The following ZNF75A variants were observed in gnomAD, a reference collection of about 807,000 sequenced individuals.
ZNF75A encodes zinc finger protein 75A.
ZNF75A carries 36 observed loss-of-function variants against 46.3 expected under a neutral mutation model. That is an observed-to-expected ratio of 0.78 (90% CI 0.60 to 1.03). ZNF75A has a LOEUF of 1.03. Among genes scored for constraint, ZNF75A ranks in the 50% least tolerant of loss-of-function variants. ZNF75A has a pLI of 0.00. For missense variants in ZNF75A, 595 were observed against 551.3 expected (o/e 1.08, Z -0.79); for synonymous variants, 234 against 189.9 (o/e 1.23, Z -1.91).
At chr16:3,306,182 C>T (rs951529607) in intron 1 of ZNF75A, 1 of 152,138 alleles carries the variant, frequency 6.6e-6, no homozygotes, top group African/African-American at 2.4e-5. Flanking sequence ...AAAAGTGAGG[C>T]TCACGGCTCT....
chr16:3,313,280 C>A, intron 5 of ZNF75A, 105 bp downstream of exon 5: 1 of 1,214,798 alleles, frequency 8.2e-7, no homozygotes, highest in Non-Finnish European at 1.2e-6. Flanking sequence ...CTGGTTGATT[C>A]TCATCTAGAT....
At position 3,310,653 on chromosome 16, in the gene ZNF75A, C is replaced by A. The variant is rs941465644; in HGVS notation, c.409-1100C>A. On this transcript the variant is annotated intron_variant, in intron 2 of 6. Transcript: ENST00000669516. ...AAACAAAACAAACAAACAAAAAAAA[C>A]AACTAGGGGAAGACTGCACAAGAAA... The A allele has an allele frequency of 1.1e-5, 11 of 984,848 alleles. No individual in the cohort carries two copies. The Admixed American group carries it at 4.9e-4, about 44-fold the overall frequency. 61.0% of individuals were successfully genotyped at this position (984,848 alleles called of 1,614,324 possible).
At chr16:3,310,094 T>C (rs558005412) in intron 2 of ZNF75A, among the ~76,000 whole-genome samples, 2 of 151,584 alleles carry the variant, frequency 1.3e-5, no homozygotes, top group Admixed American at 1.3e-4. Context: ...ACCTTGTCTC[T>C]TAAAAAAAAA....
Position 3,311,838 on chromosome 16 carries a change from C to A in ZNF75A, c.494C>A (p.Ser165Tyr), listed in dbSNP as rs1287862006. The change falls in exon 3 of 7, where the codon TCC becomes TAC. Residue 165 changes from serine to tyrosine, a missense_variant. Coordinates refer to ENST00000669516, the MANE Select transcript of ZNF75A (RefSeq NM_001302109.2). ...AGTTTCGGGCTGAAGCCAACAGAGTCCCAACCAGTGGGCGTATCCCAAGAT... is the reference window on the plus strand; with the variant it reads ...AGTTTCGGGCTGAAGCCAACAGAGTACCAACCAGTGGGCGTATCCCAAGAT... ...ASSFGLKPTE[S>Y]QPVGVSQDEE... The A allele has an allele frequency of 2.9e-6, 3 of 1,045,544 alleles. No homozygotes were observed. The highest frequency in any genetic ancestry group is 3.5e-6 in the Non-Finnish European group (3 of 860,932). 64.8% of individuals were successfully genotyped at this position (1,045,544 alleles called of 1,614,324 possible).
chr16:3,316,167 T>C (rs1423330897), intron 5 of ZNF75A: 1 of 152,238 alleles, frequency 6.6e-6, no homozygotes, highest in East Asian at 1.9e-4. Flanking sequence ...ATTTTGTTTA[T>C]TGATTGATTG....
downstream of ZNF75A, among the ~76,000 whole-genome samples, chr16:3,319,094 A>C (rs533346128): frequency 1.8e-4 from 27 of 152,250 alleles, no homozygotes; most frequent in Admixed American, 1.2e-3. Context: ...GGGGTTAAAT[A>C]ACTGACCTCT....
At chr16:3,314,027 C>G (rs74003367) in intron 5 of ZNF75A, among the ~76,000 whole-genome samples, 5,121 of 152,182 alleles carry the variant, frequency 0.034, 304 homozygotes, top group African/African-American at 0.12. Flanking sequence ...TTTTGCTCAA[C>G]TCAGAAAAAT....
At chr16:3,312,547 C>T (rs767074565) in intron 3 of ZNF75A, 130 bp from the exon 4 acceptor site, 42 of 173,986 alleles carry the variant, frequency 2.4e-4, no homozygotes, top group Non-Finnish European at 3.5e-4. Context: ...GAGACTGCTT[C>T]AGGCATCACA....
chr16:3,317,649 A>G lies in ZNF75A; in HGVS notation c.1394A>G (p.Lys465Arg), dbSNP rs1961325377. ...IKPYKCSWCG[K>R]SFSQNTNLHT... is the part of the protein sequence containing the mutation. ...CCATATAAATGTTCATGGTGTGGGA[A>G]AAGCTTCAGTCAAAATACAAATTTA... The change falls in exon 7 of 7, where the codon AAA (lysine) becomes AGA (arginine). Residue 465 changes from lysine (K) to arginine (R), a missense_variant. Physicochemically the swap from Lys to Arg is conservative, Grantham distance 26 (BLOSUM62 2). Transcript: ENST00000669516. 1 of 1,614,140 alleles carries G rather than the reference A, an allele frequency of 6.2e-7. No homozygotes were observed.
rs1025554030 is a variant in ZNF75A at position 3,308,535 on chromosome 16, C to T, written c.107C>T (p.Ser36Phe). 1.0e-6 allele frequency: 1 copy of T among 985,768 alleles called. No individual in the cohort carries two copies. Among genetic ancestry groups the T allele is most frequent in the African/African-American group, 1.7e-5 (1 of 57,242 alleles). The allele number at this position is 985,768 out of a possible 1,614,324, so 61.1% of individuals were successfully genotyped here. The part of the protein sequence containing the change: ...ARESSGQSKK[S>F]PQMDCLDPKS... ...GAGAGCTCCGGTCAGAGTAAAAAAT[C>T]TCCTCAAATGGACTGTCTCGATCCT... is the stretch of plus-strand genomic sequence containing the variant. Residue 36 changes from serine (S) to phenylalanine (F), a missense_variant, in exon 2 of 7, where the codon TCT becomes TTT. Transcript: ENST00000669516.
chr16:3,318,804 TGTA>T lies in ZNF75A; in HGVS notation c.*938_*940del. 1.0e-6 allele frequency: 1 copy of T among 985,392 alleles called. No individual in the cohort carries two copies. Among genetic ancestry groups the T allele is most frequent in the South Asian group, 4.7e-5 (1 of 21,286 alleles). The allele number at this position is 985,392 out of a possible 1,614,324, so 61.0% of individuals were successfully genotyped here. A position where few individuals can be genotyped will look rare whatever the true frequency, so the allele number is the denominator to read the frequency against. On this transcript the variant is annotated 3_prime_UTR_variant, in exon 7 of 7. Coordinates refer to ENST00000669516, the MANE Select transcript of ZNF75A (RefSeq NM_001302109.2). ...CTCATTTGGCATGGAGACCTGGACA[TGTA>T]GTCAGCAGGAGACGGTTCCCTAAAT...
downstream of ZNF75A, chr16:3,322,787 T>C: frequency 2.0e-6 from 1 of 489,954 alleles, no homozygotes; most frequent in Non-Finnish European, 2.7e-6. Context: ...ATTTCAAGTC[T>C]TTTTCAAAAC....
chr16:3,321,368 C>T (rs181442642), downstream of ZNF75A, among the ~76,000 whole-genome samples: 19 of 152,338 alleles, frequency 1.2e-4, no homozygotes, highest in East Asian at 1.9e-4. Context: ...GTATCATTGA[C>T]CCCGTCTAGT....
chr16:3,311,200 G>T (rs184174751), intron 2 of ZNF75A, among the ~76,000 whole-genome samples: 1 of 150,340 alleles, frequency 6.7e-6, no homozygotes, highest in East Asian at 1.9e-4. Context: ...CACTTTGGGA[G>T]GCTGAGGTGG....
At position 3,317,468 on chromosome 16, in the gene ZNF75A, C is replaced by G. The variant is rs1459724182; in HGVS notation, c.1213C>G (p.Gln405Glu). ...DCAREKPFKC[Q>E]ECGKTFRVSS... ...TGCAAGAGAGAAGCCTTTTAAATGT[C>G]AGGAATGTGGGAAAACCTTCAGAGT... is the stretch of plus-strand genomic sequence containing the variant. The change falls in exon 7 of 7, where the codon CAG (glutamine) becomes GAG (glutamate). Residue 405 changes from glutamine to glutamate, a missense_variant. Physicochemically the swap from Gln to Glu is conservative, Grantham distance 29 (BLOSUM62 2). Transcript: ENST00000669516. The G allele has an allele frequency of 3.1e-6, 5 of 1,614,038 alleles. No individual in the cohort carries two copies. The highest frequency in any genetic ancestry group is 1.1e-5 in the South Asian group (1 of 91,054).
rs1294645314 is a variant in ZNF75A at position 3,317,113 on chromosome 16, A to G, written c.935-77A>G. On this transcript the variant is annotated intron_variant, in intron 6 of 6. Coordinates refer to ENST00000669516, the MANE Select transcript of ZNF75A (RefSeq NM_001302109.2). ...TAAGATTTTGTTCCTTTTTTTTTTA[A>G]TCATTGAATTTTTCTTTTTATTCCT... is the stretch of plus-strand genomic sequence containing the variant. 31 of 1,533,582 alleles carry G rather than the reference A, an allele frequency of 2.0e-5. No homozygotes were observed. The East Asian group carries it at 7.0e-4, about 35-fold the overall frequency. The allele number at this position is 1,533,582 out of a possible 1,614,324, so 95.0% of individuals were successfully genotyped here.
Position 3,318,078 on chromosome 16 carries a change from A to G in ZNF75A, c.*209A>G, listed in dbSNP as rs983769547. On this transcript the variant is annotated 3_prime_UTR_variant, in exon 7 of 7. Transcript: ENST00000669516. ...CAGAAGTAAACATTGTTGGCTTTGT[A>G]TTGATCTCTCCAGTCATTTTTGAAC... 524 of 1,357,196 alleles carry G rather than the reference A, an allele frequency of 3.9e-4. 3 individuals carry two copies. Among genetic ancestry groups the G allele is most frequent in the Admixed American group, 3.8e-4 (11 of 28,878 alleles). The allele number at this position is 1,357,196 out of a possible 1,614,324, so 84.1% of individuals were successfully genotyped here. A position where few individuals can be genotyped will look rare whatever the true frequency, so the allele number is the denominator to read the frequency against.
chr16:3,308,485 G>C lies in ZNF75A; in HGVS notation c.57G>C (p.Leu19Phe), dbSNP rs1028618076. Residue 19 changes from leucine (L) to phenylalanine (F), a missense_variant, in exon 2 of 7, where the codon TTG becomes TTC. Coordinates refer to ENST00000669516, the MANE Select transcript of ZNF75A (RefSeq NM_001302109.2). ...ACTTGGACCCTCAGATCAGGGCTTT[G>C]TGGGAGACCAAGGGGCCTGCAAGAG... Reference protein sequence around the residue: ...AAYLDPQIRALWETKGPARES... With the variant: ...AAYLDPQIRAFWETKGPARES... The C allele has an allele frequency of 8.1e-6, 8 of 985,860 alleles. No homozygotes were observed. The highest frequency in any genetic ancestry group is 4.7e-5 in the South Asian group (1 of 21,290). 61.1% of individuals were successfully genotyped at this position (985,860 alleles called of 1,614,324 possible). A position where few individuals can be genotyped will look rare whatever the true frequency, so the allele number is the denominator to read the frequency against.
At chr16:3,306,167 T>TCAGGAAAAGTGAGGCTCACGG (rs1479432538) in intron 1 of ZNF75A, 4 of 152,050 alleles carry the variant, frequency 2.6e-5, no homozygotes, top group Non-Finnish European at 5.9e-5. Context: ...CTGGCTCACT[T>TCAGGAAAAGTGAGGCTCACGG]CAGGAAAAGT....
Sources: gnomAD v4.1 joint callset for allele counts (sites outside exome capture counted in the v4.1 genomes callset) on GRCh38, gnomAD v4.1.1 for gene constraint, MANE v1.5 for transcripts, NCBI Gene and HGNC (gene_info 2026-07-23, HGNC 2026-07-21) for gene names.